SPOCK2: variants seen among roughly 807,000 people sequenced by gnomAD.
SPOCK2 encodes the protein testican-2.
Under a neutral mutation model 60.1 loss-of-function variants are expected in SPOCK2, and 39 were observed. The observed-to-expected ratio is 0.65, with a 90% confidence interval of 0.50 to 0.85. The LOEUF (loss-of-function observed/expected upper bound fraction) is 0.85. SPOCK2 is among the 40% of genes least tolerant of loss of function. The pLI, the probability that SPOCK2 is intolerant of heterozygous loss-of-function variation, is 0.00. For synonymous variants in SPOCK2, 217 were observed against 231.5 expected (o/e 0.94, Z 0.57); for missense variants, 523 against 567.4 (o/e 0.92, Z 0.80).
intron 9 of SPOCK2, 132 bp downstream of exon 9, chr10:72,064,046 T>G (rs998756002): frequency 8.5e-7 from 1 of 1,169,782 alleles, no homozygotes; most frequent in Admixed American, 2.7e-5. Context: ...AACCCTCTTC[T>G]GTCTTCCTAG....
In SPOCK2 at chr10:72,087,137, G is replaced by A. The variant is rs1840869472; in HGVS notation, c.189+1003C>T. 5.5e-6 allele frequency: 5 copies of A among 901,150 alleles called. No homozygotes were observed. The Admixed American group carries it at 1.2e-4, about 22-fold the overall frequency. The allele number at this position is 901,150 out of a possible 1,614,324, so 55.8% of individuals were successfully genotyped here. A position where few individuals can be genotyped will look rare whatever the true frequency, so the allele number is the denominator to read the frequency against. ...CCACAGCACCCCCAACGATCTCGGG[G>A]TCCAGCCACACCCTCCGCCCGCCCT... is the stretch of plus-strand genomic sequence containing the variant. On this transcript the variant is annotated intron_variant, in intron 1 of 10. Coordinates refer to ENST00000373109, the MANE Select transcript of SPOCK2 (RefSeq NM_001244950.2). This position sits in a 1 kb window ranked among gnomAD's most constrained non-coding sequence, Gnocchi z 4.7.
rs1332406242 is a variant in SPOCK2 at position 72,059,676 on chromosome 10, G to A, written c.*3084C>T. ...CAGGTGAAGCTCATGGAAGGCTGAA[G>A]GCAGGCGGGCTGGAGTGAAGGGGGG... On this transcript the variant is annotated 3_prime_UTR_variant, in exon 11 of 11. Transcript: ENST00000373109. 6.5e-6 allele frequency: 1 copy of A among 152,886 alleles called. No individual in the cohort carries two copies. Among genetic ancestry groups the A allele is most frequent in the East Asian group, 1.9e-4 (1 of 5,178 alleles). The allele number at this position is 152,886 out of a possible 1,614,324, so 9.5% of individuals were successfully genotyped here.
intron 5 of SPOCK2, chr10:72,070,004 GCT>G (rs1196658965): frequency 1.2e-5 from 3 of 258,376 alleles, no homozygotes; most frequent in African/African-American, 2.2e-5. Flanking sequence ...TCCACACTTG[GCT>G]GAGGTCTTCC....
At position 72,064,353 on chromosome 10, in the gene SPOCK2, C is replaced by T. The variant is rs187273208; in HGVS notation, c.929-113G>A. The T allele has an allele frequency of 5.0e-6, 6 of 1,195,092 alleles. No individual in the cohort carries two copies. The East Asian group carries it at 8.5e-5, about 17-fold the overall frequency. 74.0% of individuals were successfully genotyped at this position (1,195,092 alleles called of 1,614,324 possible). On this transcript the variant is annotated intron_variant, in intron 8 of 10. Transcript: ENST00000373109. ...GGGGCTCTGCAAGATGAAAACACCC[C>T]GTTTCTGACACGGGGTCACCCCACA...
At chr10:72,066,060 A>G (rs1840563405) in intron 8 of SPOCK2, among the ~76,000 whole-genome samples, 1 of 152,174 alleles carries the variant, frequency 6.6e-6, no homozygotes, top group East Asian at 1.9e-4. Flanking sequence ...CCAGCCACAC[A>G]GGTCAGGTGA....
intron 8 of SPOCK2, among the ~76,000 whole-genome samples, chr10:72,064,783 T>G (rs1411680520): frequency 6.6e-6 from 1 of 152,166 alleles, no homozygotes; most frequent in East Asian, 1.9e-4. Flanking sequence ...CAGGCTGGAG[T>G]GCATTGGCGC....
At chr10:72,067,866 A>T (rs1840592163) in intron 6 of SPOCK2, 134 bp from the exon 7 acceptor site, 1 of 1,375,536 alleles carries the variant, frequency 7.3e-7, no homozygotes, top group South Asian at 1.4e-5. Context: ...GGAAGGTGGA[A>T]ATCGGGGGCT....
rs1414027931 is a variant in SPOCK2, at chr10:72,067,056, G to A, written c.774C>T (p.Asp258=). 1.2e-6 allele frequency: 2 copies of A among 1,614,100 alleles called. No homozygotes were observed. Among genetic ancestry groups the A allele is most frequent in the African/African-American group, 2.7e-5 (2 of 74,932 alleles). Residue 258 remains aspartate, a synonymous_variant, in exon 8 of 11, where the codon GAC becomes GAT. Coordinates refer to ENST00000373109, the MANE Select transcript of SPOCK2 (RefSeq NM_001244950.2). ...DSIGWMFSKL[D]TSADLFLDQT... Reference sequence around the variant, plus strand: ...GGTCCAGGAAGAGGTCAGCACTGGTGTCCAGCTTGGAGAACATCCAGCCAA... The same window carrying A: ...GGTCCAGGAAGAGGTCAGCACTGGTATCCAGCTTGGAGAACATCCAGCCAA...
At chr10:72,083,320 T>C (rs879889681) in intron 1 of SPOCK2, among the ~76,000 whole-genome samples, 1 of 152,226 alleles carries the variant, frequency 6.6e-6, no homozygotes, top group African/African-American at 2.4e-5. Flanking sequence ...AGGCTCTTCC[T>C]GGAGTGACAG....
chr10:72,075,649 A>C (rs1354277655), intron 1 of SPOCK2, among the ~76,000 whole-genome samples: 1 of 152,162 alleles, frequency 6.6e-6, no homozygotes, highest in Non-Finnish European at 1.5e-5. Context: ...CAGCTGCTCC[A>C]CCATCCCCCA....
chr10:72,088,410 G>A lies in SPOCK2; in HGVS notation c.-82C>T. On this transcript the variant is annotated 5_prime_UTR_variant, in exon 1 of 11. Transcript: ENST00000373109. Reference sequence around the variant, plus strand: ...CCTCCCACCCCGCTGCTGGCGAAGCGCACGCGGCTGTCCTCAGCTCTCCTC... The same window carrying A: ...CCTCCCACCCCGCTGCTGGCGAAGCACACGCGGCTGTCCTCAGCTCTCCTC... 7.1e-7 allele frequency: 1 copy of A among 1,416,198 alleles called. No homozygotes were observed. The highest frequency in any genetic ancestry group is 2.5e-5 in the East Asian group (1 of 39,290). The allele number at this position is 1,416,198 out of a possible 1,614,324, so 87.7% of individuals were successfully genotyped here.
chr10:72,072,180 C>T lies in SPOCK2; in HGVS notation c.323G>A (p.Arg108Gln), dbSNP rs369919356. ...HKVCIAQGYQ[R>Q]AMCISRKKLE... ...CTTCTTGCGACTGATGCACATGGCC[C>T]GCTGGTAGCCCTGGGCAATGCACAC... Residue 108 changes from arginine to glutamine, a missense_variant, in exon 4 of 11, where the codon CGG (arginine) becomes CAG (glutamine). Arg to Gln is a conservative substitution (Grantham distance 43, BLOSUM62 1). Coordinates refer to ENST00000373109, the MANE Select transcript of SPOCK2 (RefSeq NM_001244950.2). The T allele has an allele frequency of 1.5e-5, 23 of 1,547,552 alleles. No homozygotes were observed. Among genetic ancestry groups the T allele is most frequent in the South Asian group, 2.4e-5 (2 of 81,998 alleles).
rs1462655805 is a variant in SPOCK2 at position 72,062,990 on chromosome 10, G to A, written c.1129+35C>T. 1.3e-6 allele frequency: 2 copies of A among 1,570,050 alleles called. No individual in the cohort carries two copies. Among genetic ancestry groups the A allele is most frequent in the East Asian group, 2.3e-5 (1 of 42,558 alleles). ...CCCACGACAAGGGCCCCCAGGCCTG[G>A]GCCCCCAGCAGGCCCTGAGCTGCCC... On this transcript the variant is annotated intron_variant, in intron 10 of 10. Transcript: ENST00000373109. This position sits in a 1 kb window ranked among gnomAD's most constrained non-coding sequence, Gnocchi z 4.3.
At chr10:72,073,373 G>A (rs558567185) in intron 1 of SPOCK2, among the ~76,000 whole-genome samples, 84 of 152,336 alleles carry the variant, frequency 5.5e-4, no homozygotes, top group African/African-American at 1.9e-3. Flanking sequence ...ATGTGAGTGA[G>A]GTGGGAGGAA....
At chr10:72,068,392 A>G in intron 5 of SPOCK2, 91 bp from the exon 6 acceptor site, 1 of 1,330,594 alleles carries the variant, frequency 7.5e-7, no homozygotes. Flanking sequence ...CATGGCAGCC[A>G]CATCTGCCTC....
rs1028819785 is a variant in SPOCK2, at chr10:72,062,823, G to T, written c.1212C>A (p.Gly404=). The change falls in exon 11 of 11, where the codon GGC becomes GGA. Residue 404 remains glycine, a synonymous_variant. Coordinates refer to ENST00000373109, the MANE Select transcript of SPOCK2 (RefSeq NM_001244950.2). The surrounding 1 kb of genome is among the most constrained non-coding windows in gnomAD (Gnocchi z 4.3). ...CGCCCTCCTCCTCCTCGGCCTCCTC[G>T]CCTGCTTCCTCCGTCTCCTTCTCCT... The part of the protein sequence containing the change: ...DEEEKETEEA[G]EEAEEEEGEA... 3 of 1,609,318 alleles carry T rather than the reference G, an allele frequency of 1.9e-6. No homozygotes were observed. Among genetic ancestry groups the T allele is most frequent in the Non-Finnish European group, 2.5e-6 (3 of 1,179,426 alleles).
chr10:72,067,445 C>T (rs1840585430), intron 7 of SPOCK2, among the ~76,000 whole-genome samples, 168 bp downstream of exon 7: 1 of 152,204 alleles, frequency 6.6e-6, no homozygotes, highest in African/African-American at 2.4e-5. Flanking sequence ...ATCCCTCCTG[C>T]TCTGGTGGAA....
Position 72,072,166 on chromosome 10 carries a change from T to C in SPOCK2, c.337A>G (p.Ser113Gly), listed in dbSNP as rs1246546321. Reference protein sequence around the residue: ...AQGYQRAMCISRKKLEHRIKQ... With the variant: ...AQGYQRAMCIGRKKLEHRIKQ... The stretch of plus-strand genomic sequence containing the variant: ...CACCTGTGCTCCAGCTTCTTGCGAC[T>C]GATGCACATGGCCCGCTGGTAGCCC... The change falls in exon 4 of 11, where the codon AGT (serine) becomes GGT (glycine). Residue 113 changes from serine to glycine, a missense_variant. Coordinates refer to ENST00000373109, the MANE Select transcript of SPOCK2 (RefSeq NM_001244950.2). The C allele has an allele frequency of 1.3e-6, 2 of 1,534,090 alleles. No individual in the cohort carries two copies. The highest frequency in any genetic ancestry group is 8.8e-7 in the Non-Finnish European group (1 of 1,140,908).
Position 72,061,980 on chromosome 10 carries a change from G to A in SPOCK2, c.*780C>T, listed in dbSNP as rs1237796312. ...CCTGGGACAGACCTCAGACAGCTTG[G>A]CGAGGCACCCTGTCCCTGGCCTCTC... On this transcript the variant is annotated 3_prime_UTR_variant, in exon 11 of 11. Transcript: ENST00000373109. 1.3e-5 allele frequency: 2 copies of A among 153,254 alleles called. No individual in the cohort carries two copies. The highest frequency in any genetic ancestry group is 2.9e-5 in the Non-Finnish European group (2 of 68,650). 9.5% of individuals were successfully genotyped at this position (153,254 alleles called of 1,614,324 possible).
Sources: gnomAD v4.1 joint callset for allele counts (sites outside exome capture counted in the v4.1 genomes callset) on GRCh38, gnomAD v4.1.1 for gene constraint, Gnocchi (gnomAD v3.1) non-coding constraint, MANE v1.5 for transcripts, NCBI Gene and HGNC (gene_info 2026-07-23, HGNC 2026-07-21) for gene names.